The following CNTNAP2 variants were observed in gnomAD, a reference collection of about 807,000 sequenced individuals.
The protein encoded by CNTNAP2 is contactin associated protein 2, also known as contactin-associated protein-like 2.
CNTNAP2 carries 98 observed loss-of-function variants against 155.2 expected under a neutral mutation model. That is an observed-to-expected ratio of 0.63 (90% CI 0.54 to 0.75). The LOEUF (loss-of-function observed/expected upper bound fraction) is 0.75. Ranked by LOEUF, CNTNAP2 falls within the 30% of genes least tolerant of loss-of-function variation. CNTNAP2 has a pLI of 0.00. For missense variants in CNTNAP2, 1,727 were observed against 1,688.1 expected (o/e 1.02, Z -0.40); for synonymous variants, 651 against 631.2 (o/e 1.03, Z -0.47).
chr7:147,629,431 A>AATG (rs1795045428), intron 12 of CNTNAP2, among the ~76,000 whole-genome samples: 5 of 147,208 alleles, frequency 3.4e-5, no homozygotes, highest in African/African-American at 1.2e-4. Context: ...TAATAATAAT[A>AATG]ATAATAATAA....
intron 18 of CNTNAP2, among the ~76,000 whole-genome samples, chr7:148,188,937 T>C (rs1038035497): frequency 6.6e-6 from 1 of 152,266 alleles, no homozygotes; most frequent in Admixed American, 6.5e-5. Context: ...ATTTCTGTTC[T>C]TAAAATTGTT....
chr7:147,099,598 A>G (rs545621683), intron 4 of CNTNAP2, among the ~76,000 whole-genome samples: 6 of 152,338 alleles, frequency 3.9e-5, no homozygotes, highest in Non-Finnish European at 7.3e-5. Flanking sequence ...ATTTGTAACT[A>G]AACTGCTATC....
intron 8 of CNTNAP2, among the ~76,000 whole-genome samples, chr7:147,141,824 T>C (rs1437919526): frequency 6.6e-6 from 1 of 152,154 alleles, no homozygotes; most frequent in Non-Finnish European, 1.5e-5. Context: ...GCATTTTAAG[T>C]AATCTCCCTT....
At chr7:146,824,976 A>G (rs917653880) in intron 2 of CNTNAP2, among the ~76,000 whole-genome samples, 1 of 152,012 alleles carries the variant, frequency 6.6e-6, no homozygotes, top group African/African-American at 2.4e-5. Context: ...TATTAAAGAA[A>G]TTCTTTACAT....
intron 1 of CNTNAP2, among the ~76,000 whole-genome samples, chr7:146,764,473 G>A (rs1802160813): frequency 7.7e-6 from 1 of 129,732 alleles, no homozygotes. Flanking sequence ...TTGTGTTGTA[G>A]AGTTTTTTTT....
chr7:147,619,667 G>C (rs1237957136), intron 12 of CNTNAP2, among the ~76,000 whole-genome samples: 1 of 152,196 alleles, frequency 6.6e-6, no homozygotes, highest in Non-Finnish European at 1.5e-5. Context: ...CAGTACAACA[G>C]AACAGGTGGA....
At chr7:146,924,208 T>G (rs1222961740) in intron 3 of CNTNAP2, among the ~76,000 whole-genome samples, 1 of 152,150 alleles carries the variant, frequency 6.6e-6, no homozygotes, top group Non-Finnish European at 1.5e-5. Flanking sequence ...TAGATCCATT[T>G]CTGACCTTTC....
At chr7:147,105,384 G>A (rs1800744904) in intron 4 of CNTNAP2, among the ~76,000 whole-genome samples, 1 of 151,900 alleles carries the variant, frequency 6.6e-6, no homozygotes, top group Non-Finnish European at 1.5e-5. Flanking sequence ...TGCTTAAACA[G>A]TTCAACCATA....
intron 1 of CNTNAP2, among the ~76,000 whole-genome samples, chr7:146,147,697 C>T (rs1351127591): frequency 6.6e-6 from 1 of 152,084 alleles, no homozygotes; most frequent in Non-Finnish European, 1.5e-5. Flanking sequence ...TTAGAATAGA[C>T]ATCTGCTCTA....
Position 147,910,872 on chromosome 7 carries a change from A to G in CNTNAP2, c.2255+7151A>G, listed in dbSNP as rs191582451. On this transcript the variant is annotated intron_variant, in intron 14 of 23. Transcript: ENST00000361727. ...TTGGGTGGGAACACAGCCAAACCAT[A>G]TCAAAGATGTAAGTTCTGTATAAAT... Among the ~76,000 whole-genome samples, 433 of 152,324 alleles carry G rather than the reference A, an allele frequency of 2.8e-3. 4 individuals carry two copies. Among genetic ancestry groups the G allele is most frequent in the Non-Finnish European group, 2.6e-3 (174 of 68,040 alleles).
chr7:147,830,374 G>T (rs1394404696), intron 13 of CNTNAP2, among the ~76,000 whole-genome samples: 1 of 151,926 alleles, frequency 6.6e-6, no homozygotes, highest in Non-Finnish European at 1.5e-5. Flanking sequence ...CTTGTATAAG[G>T]TCACTAATAC....
rs368129229 is a variant in CNTNAP2, at chr7:146,341,891, T to A, written c.97+224918T>A. Among the ~76,000 whole-genome samples the A allele has an allele frequency of 9.2e-5, 14 of 152,298 alleles. No homozygotes were observed. In the East Asian group the frequency reaches 2.7e-3, roughly 29 times the overall value. ...TTGGGGTAGGTTTGGCAGGCACTAT[T>A]GTTCATTCCTACAAATAGTTTAAAA... On this transcript the variant is annotated intron_variant, in intron 1 of 23. Transcript: ENST00000361727.
chr7:147,618,827 G>A (rs1290251100), intron 12 of CNTNAP2, among the ~76,000 whole-genome samples: 1 of 152,010 alleles, frequency 6.6e-6, no homozygotes, highest in African/African-American at 2.4e-5. Flanking sequence ...CCTGGCCAGA[G>A]CTCCAGCCAT....
intron 13 of CNTNAP2, among the ~76,000 whole-genome samples, chr7:147,691,533 C>T (rs912970984): frequency 9.2e-5 from 14 of 152,118 alleles, no homozygotes; most frequent in African/African-American, 3.4e-4. Flanking sequence ...GAATCAAAAT[C>T]TGAGTAAGCT....
At chr7:147,110,912 A>G (rs1310132219) in intron 5 of CNTNAP2, among the ~76,000 whole-genome samples, 4 of 152,120 alleles carry the variant, frequency 2.6e-5, no homozygotes, top group African/African-American at 9.7e-5. Context: ...TGCTGGGTCA[A>G]ATGGTATTTC....
At position 146,941,528 on chromosome 7, in the gene CNTNAP2, C is replaced by T. The variant is rs184558607; in HGVS notation, c.402+101624C>T. The stretch of plus-strand genomic sequence containing the variant: ...CTAATGATATACATGATTTACACAC[C>T]GCCATTATAGTATGAAGATAGTCTG... On this transcript the variant is annotated intron_variant, in intron 3 of 23. Coordinates refer to ENST00000361727, the MANE Select transcript of CNTNAP2 (RefSeq NM_014141.6). 1.9e-3 allele frequency among the ~76,000 whole-genome samples: 289 copies of T among 152,096 alleles called. 3 individuals are homozygous for T. Among genetic ancestry groups the T allele is most frequent in the African/African-American group, 6.1e-3 (252 of 41,522 alleles).
At chr7:146,597,233 A>G (rs1420839628) in intron 1 of CNTNAP2, among the ~76,000 whole-genome samples, 1 of 152,084 alleles carries the variant, frequency 6.6e-6, no homozygotes, top group Non-Finnish European at 1.5e-5. Context: ...TCAAAATCAT[A>G]GAATTGTAGA....
At chr7:146,663,348 C>T (rs1462386184) in intron 1 of CNTNAP2, among the ~76,000 whole-genome samples, 1 of 150,066 alleles carries the variant, frequency 6.7e-6, no homozygotes, top group Non-Finnish European at 1.5e-5. Context: ...AATGTGAGTC[C>T]TCCTTAGTTG....
At chr7:147,141,053 A>G (rs1365536365) in intron 8 of CNTNAP2, among the ~76,000 whole-genome samples, 1 of 152,208 alleles carries the variant, frequency 6.6e-6, no homozygotes, top group Admixed American at 6.5e-5. Flanking sequence ...AAGCCTTTGC[A>G]TTAATTATCT....
Sources: gnomAD v4.1 joint callset for allele counts (sites outside exome capture counted in the v4.1 genomes callset) on GRCh38, gnomAD v4.1.1 for gene constraint, MANE v1.5 for transcripts, NCBI Gene and HGNC (gene_info 2026-07-23, HGNC 2026-07-21) for gene names.